The following MED24 variants were observed in gnomAD, a reference collection of about 807,000 sequenced individuals.
The protein encoded by MED24 is mediator complex subunit 24, also known as mediator of RNA polymerase II transcription subunit 24.
Under a neutral mutation model 118.8 loss-of-function variants are expected in MED24, and 74 were observed. That is an observed-to-expected ratio of 0.62 (90% CI 0.52 to 0.76). The LOEUF is 0.76. Ranked by LOEUF, MED24 falls within the 30% of genes least tolerant of loss-of-function variation. The pLI, the probability that MED24 is intolerant of heterozygous loss-of-function variation, is 0.00. For synonymous variants in MED24, 521 were observed against 523.9 expected, an observed-to-expected ratio of 0.99 and a Z score of 0.08; for missense variants, 1,041 against 1,278.9, an observed-to-expected ratio of 0.81 and a Z score of 2.84.
rs377461334 is a variant in MED24 at position 40,032,634 on chromosome 17, C to T, written c.936+15G>A. 1.7e-5 allele frequency: 27 copies of T among 1,598,200 alleles called. No individual in the cohort carries two copies. The highest frequency in any genetic ancestry group is 2.2e-5 in the Non-Finnish European group (26 of 1,166,118). On this transcript the variant is annotated intron_variant, in intron 9 of 25. Transcript: ENST00000394128. ...CATTCCTAGACTGGCTCTGCCCCTCCCACGTCCCCAGTACCTTGAGGAAAG... is the reference window on the plus strand; with the variant it reads ...CATTCCTAGACTGGCTCTGCCCCTCTCACGTCCCCAGTACCTTGAGGAAAG...
chr17:40,036,789 C>T (rs1170948356), intron 3 of MED24, among the ~76,000 whole-genome samples: 1 of 151,904 alleles, frequency 6.6e-6, no homozygotes, highest in Admixed American at 6.6e-5. Flanking sequence ...GAAGCCATGT[C>T]ACTGTATTCC....
intron 3 of MED24, among the ~76,000 whole-genome samples, chr17:40,050,023 G>A (rs1205578293): frequency 1.3e-5 from 2 of 150,492 alleles, no homozygotes; most frequent in East Asian, 2.0e-4. Flanking sequence ...GGTGGTGCAC[G>A]CCTGTAATCC....
At position 40,026,967 on chromosome 17, in the gene MED24, A is replaced by G. The variant is rs1982732483; in HGVS notation, c.1598T>C (p.Met533Thr). 1 of 1,614,188 alleles carries G rather than the reference A, an allele frequency of 6.2e-7. No homozygotes were observed. The highest frequency in any genetic ancestry group is 1.7e-5 in the Admixed American group (1 of 60,024). Reference sequence around the variant, plus strand: ...GTTCAGGATCTTGCCCTCCTCAGGCATGCAGGTCTGCATCCAGGTCTCGAA... The same window carrying G: ...GTTCAGGATCTTGCCCTCCTCAGGCGTGCAGGTCTGCATCCAGGTCTCGAA... Reference protein sequence around the residue: ...PFFETWMQTCMPEEGKILNPD... With the variant: ...PFFETWMQTCTPEEGKILNPD... The change falls in exon 17 of 26, where the codon ATG becomes ACG. Residue 533 changes from methionine to threonine, a missense_variant. Physicochemically the swap from Met to Thr is moderately conservative, Grantham distance 81. This residue lies in a region of MED24 where 587 missense variants were observed against 694.4 expected (regional missense o/e 0.85). Coordinates refer to ENST00000394128, the MANE Select transcript of MED24 (RefSeq NM_014815.4).
At chr17:40,026,020 G>C in intron 19 of MED24, 136 bp downstream of exon 19, 1 of 853,854 alleles carries the variant, frequency 1.2e-6, no homozygotes, top group East Asian at 2.6e-5. Flanking sequence ...ATGAGTGAAT[G>C]CATGAATAGG....
At chr17:40,044,250 T>C (rs1030921138) in intron 3 of MED24, among the ~76,000 whole-genome samples, 7 of 152,022 alleles carry the variant, frequency 4.6e-5, no homozygotes, top group African/African-American at 1.7e-4. Context: ...CCGGGCGCAG[T>C]GGCTTACGCC....
At position 40,053,489 on chromosome 17, in the gene MED24, C is replaced by A; in HGVS notation, c.110G>T (p.Trp37Leu). Reference protein sequence around the residue: ...MKKFFPKGATWDILNLADALL... With the variant: ...MKKFFPKGATLDILNLADALL... ...GAGACCTGCCAGGTTGAGAATATCCCAGGTGGCTCCTTTAGGAAAGAATTT... is the reference window on the plus strand; with the variant it reads ...GAGACCTGCCAGGTTGAGAATATCCAAGGTGGCTCCTTTAGGAAAGAATTT... The change falls in exon 2 of 26, where the codon TGG becomes TTG. Residue 37 changes from tryptophan to leucine, a missense_variant. Coordinates refer to ENST00000394128, the MANE Select transcript of MED24 (RefSeq NM_014815.4). 6.2e-7 allele frequency: 1 copy of A among 1,614,186 alleles called. No homozygotes were observed. Among genetic ancestry groups the A allele is most frequent in the Non-Finnish European group, 8.5e-7 (1 of 1,180,034 alleles).
chr17:40,029,081 TG>T, intron 13 of MED24, 113 bp from the exon 14 acceptor site: 1 of 1,427,858 alleles, frequency 7.0e-7, no homozygotes, highest in Non-Finnish European at 9.6e-7. Context: ...TACATCTTTC[TG>T]ACTTCAATCT....
chr17:40,034,857 C>T, intron 6 of MED24: 2 of 228,706 alleles, frequency 8.7e-6, no homozygotes, highest in Non-Finnish European at 9.1e-6. Flanking sequence ...GGTAGCCCCC[C>T]ACCCCCCACC....
At chr17:40,032,522 C>T (rs904426605) in intron 9 of MED24, 127 bp downstream of exon 9, 9 of 681,318 alleles carry the variant, frequency 1.3e-5, no homozygotes, top group Non-Finnish European at 2.3e-5. Flanking sequence ...TGGGAACTTG[C>T]ACTGGAATAC....
chr17:40,020,003 A>T (rs2270401), intron 24 of MED24, 70 bp from the exon 25 acceptor site: 557,147 of 1,507,222 alleles, frequency 0.37, 107,495 homozygotes, highest in Middle Eastern at 0.51. Flanking sequence ...CTCTGGGAGA[A>T]GGTGGGACTG....
chr17:40,025,450 T>TCAA (rs959809180), intron 19 of MED24, among the ~76,000 whole-genome samples: 4 of 152,074 alleles, frequency 2.6e-5, no homozygotes, highest in South Asian at 2.1e-4. Context: ...AGACCTTGTC[T>TCAA]CAACAACAAC....
chr17:40,051,795 C>T (rs1299685068), intron 3 of MED24, among the ~76,000 whole-genome samples: 3 of 151,582 alleles, frequency 2.0e-5, no homozygotes, highest in African/African-American at 2.4e-5. Context: ...TGGTGGCAGA[C>T]GCCTGTAATC....
intron 1 of MED24, chr17:40,053,919 T>C (rs1165683953): frequency 1.8e-6 from 1 of 559,060 alleles, no homozygotes; most frequent in Admixed American, 3.1e-5. Context: ...TCACCGGAGG[T>C]CAGGAGTTCG....
intron 3 of MED24, among the ~76,000 whole-genome samples, chr17:40,041,575 CCA>C (rs1246621272): frequency 3.9e-5 from 6 of 152,082 alleles, no homozygotes; most frequent in Non-Finnish European, 8.8e-5. Context: ...TTTTGATACC[CCA>C]CAGTCTTCTT....
chr17:40,021,843 C>T (rs1279542420), intron 23 of MED24, 112 bp downstream of exon 23: 3 of 785,612 alleles, frequency 3.8e-6, no homozygotes, highest in Non-Finnish European at 2.1e-6. Context: ...CCCTGCCACA[C>T]CCTCTCTGAC....
In MED24 at chr17:40,032,671, C is replaced by T. The variant is rs764687565; in HGVS notation, c.914G>A (p.Trp305Ter). The change falls in exon 9 of 26, where the codon TGG becomes TAG. Residue 305 changes from tryptophan (W) to a stop codon, truncating the protein, a stop_gained. Coordinates refer to ENST00000394128, the MANE Select transcript of MED24 (RefSeq NM_014815.4). LOFTEE classifies it high-confidence loss of function. The stretch of plus-strand genomic sequence containing the variant: ...TACCTTGAGGAAAGTGAAAGCTGTC[C>T]ACTTGAGCTCCTCCGTACCCTCGGG... ...ESPEGTEELK[W>*]TAFTFLKIPQ... is the part of the protein sequence containing the mutation. 3.1e-6 allele frequency: 5 copies of T among 1,613,898 alleles called. No individual in the cohort carries two copies. In the South Asian group the frequency reaches 5.5e-5, roughly 18 times the overall value.
In MED24 at chr17:40,019,826, C is replaced by A. The variant is rs770260934; in HGVS notation, c.2812G>T (p.Gly938Cys). The A allele has an allele frequency of 1.8e-5, 29 of 1,603,626 alleles. No individual in the cohort carries two copies. The East Asian group carries it at 5.6e-4, about 31-fold the overall frequency. ...AACTGCAGGACGCTGCCACGGCCAC[C>A]CTGCTCCAGGCAGTCCACACACTCC... ...MEECVDCLEQ[G>C]GRGSVLQFMP... Residue 938 changes from glycine (G) to cysteine (C), a missense_variant, in exon 25 of 26, where the codon GGT (glycine) becomes TGT (cysteine). Physicochemically the swap from Gly to Cys is radical, Grantham distance 159 (BLOSUM62 -3). Transcript: ENST00000394128.
In MED24 at chr17:40,019,923, G is replaced by C; in HGVS notation, c.2715C>G (p.Phe905Leu). ...ACCCCAGGATGGAGGAGATGAGCAG[G>C]AACAGGTTGGCTGTAGAGAGTGGGG... The part of the protein sequence containing the change: ...DPLNRVLANL[F>L]LLISSILGSR... The change falls in exon 25 of 26, where the codon TTC becomes TTG. Residue 905 changes from phenylalanine to leucine, a missense_variant. Physicochemically the swap from Phe to Leu is conservative, Grantham distance 22 (BLOSUM62 0). Around this residue, in one of 3 missense-constraint regions of MED24, gnomAD observed 587 missense variants for 694.4 expected, o/e 0.85. Transcript: ENST00000394128. 6.4e-7 allele frequency: 1 copy of C among 1,565,638 alleles called. No homozygotes were observed. The highest frequency in any genetic ancestry group is 8.7e-7 in the Non-Finnish European group (1 of 1,154,362).
chr17:40,032,124 T>C (rs2144907845), intron 9 of MED24, 34 bp from the exon 10 acceptor site: 1 of 1,608,486 alleles, frequency 6.2e-7, no homozygotes, highest in African/African-American at 1.3e-5. Context: ...AACAGGAAGA[T>C]CCATTTCTTT....
Sources: gnomAD v4.1 joint callset for allele counts (sites outside exome capture counted in the v4.1 genomes callset) on GRCh38, gnomAD v4.1.1 for gene constraint, gnomAD v4.1.1 regional missense constraint, MANE v1.5 for transcripts, NCBI Gene and HGNC (gene_info 2026-07-23, HGNC 2026-07-21) for gene names.